Variants in WDR74 observed in about 807,000 individuals in gnomAD.
WDR74 encodes WD repeat domain 74.
A neutral mutation model predicts 45.6 loss-of-function variants in WDR74; 31 were observed. The observed-to-expected ratio is 0.68, with a 90% CI of 0.51 to 0.92. The LOEUF (loss-of-function observed/expected upper bound fraction) is 0.92. Ranked by LOEUF, WDR74 falls within the 40% of genes least tolerant of loss-of-function variation. The pLI is 0.00. For missense variants in WDR74, 455 were observed against 497.2 expected (o/e 0.92, Z 0.81); for synonymous variants, 191 against 192.4 (o/e 0.99, Z 0.06).
At chr11:62,835,397 C>T (rs1335110172) in intron 6 of WDR74, 34 bp downstream of exon 6, 1 of 1,599,658 alleles carries the variant, frequency 6.3e-7, no homozygotes, top group Non-Finnish European at 8.6e-7. Context: ...GCTGCTTTAT[C>T]CCAGGAGAAG....
chr11:62,841,707 A>C (rs967044492), upstream of WDR74: 1 of 152,246 alleles, frequency 6.6e-6, no homozygotes, highest in Non-Finnish European at 1.5e-5. Flanking sequence ...CCTATTTCCA[A>C]AAATCCATTT....
upstream of WDR74, chr11:62,841,581 A>C (rs573621802): frequency 6.6e-6 from 1 of 152,210 alleles, no homozygotes. Flanking sequence ...TAACTGATCG[A>C]AATCTTCCAT....
Position 62,835,713 on chromosome 11 carries a change from A to G in WDR74, c.498T>C (p.Pro166=). 3.1e-6 allele frequency: 5 copies of G among 1,613,894 alleles called. No homozygotes were observed. The highest frequency in any genetic ancestry group is 4.2e-6 in the Non-Finnish European group (5 of 1,179,856). Residue 166 remains proline, a synonymous_variant, in exon 5 of 11, where the codon CCT becomes CCC. Transcript: ENST00000278856. ...KIWDLQGSEE[P]VFRAKNVRND... ...CACTCACGTTCTTGGCCCTGAACAC[A>G]GGTTCCTCAGAGCCCTGCAGGTCCC...
chr11:62,841,366 G>A (rs958309030), upstream of WDR74, among the ~76,000 whole-genome samples: 2 of 152,142 alleles, frequency 1.3e-5, no homozygotes, highest in South Asian at 2.1e-4. Context: ...CGGGGGTGGT[G>A]GCAAGCGCTC....
chr11:62,837,711 C>G (rs750802268), intron 3 of WDR74, among the ~76,000 whole-genome samples: 4 of 152,170 alleles, frequency 2.6e-5, no homozygotes, highest in Admixed American at 1.3e-4. Flanking sequence ...CAGTCCCCCC[C>G]ACAGGCTTTC....
intron 3 of WDR74, among the ~76,000 whole-genome samples, chr11:62,838,768 A>C (rs1044915838): frequency 9.9e-5 from 15 of 151,728 alleles, no homozygotes; most frequent in Non-Finnish European, 1.6e-4. Flanking sequence ...TCCAAAAAAA[A>C]AAAAAACAAA....
At chr11:62,833,234 GC>G (rs2084899809) in intron 10 of WDR74, 103 bp from the exon 11 acceptor site, 4 of 1,162,364 alleles carry the variant, frequency 3.4e-6, no homozygotes, top group Admixed American at 2.8e-5. Flanking sequence ...GATTGCTTGA[GC>G]CCAGGACTTA....
At position 62,833,983 on chromosome 11, in the gene WDR74, CA is replaced by C. The variant is rs766680386; in HGVS notation, c.776-47del. ...CCGTGATAACTGGCTGGCCAATAAC[CA>C]ACCATTCATTGTTTCCTGTTCCAAT... On this transcript the variant is annotated intron_variant, in intron 8 of 10. Transcript: ENST00000278856. The C allele has an allele frequency of 2.6e-5, 42 of 1,601,794 alleles. No individual in the cohort carries two copies. In the African/African-American group the frequency reaches 5.1e-4, roughly 19 times the overall value.
At chr11:62,841,699 T>TA (rs2085063952), upstream of WDR74, 1 of 152,348 alleles carries the variant, frequency 6.6e-6, no homozygotes, top group Non-Finnish European at 1.5e-5. Flanking sequence ...TTCCATCTCC[T>TA]ATTTCCAAAA....
intron 3 of WDR74, 43 bp downstream of exon 3, chr11:62,839,071 G>A (rs746920557): frequency 5.0e-6 from 8 of 1,609,188 alleles, no homozygotes; most frequent in Non-Finnish European, 6.8e-6. Flanking sequence ...GAGCATCAAC[G>A]CTCTCCCTTC....
chr11:62,840,861 C>A (rs1159252736), upstream of WDR74, among the ~76,000 whole-genome samples: 1 of 152,196 alleles, frequency 6.6e-6, no homozygotes, highest in African/African-American at 2.4e-5. Flanking sequence ...ACGCTTGAAA[C>A]CCCGAGCGCG....
At chr11:62,840,910 C>T (rs985358240), upstream of WDR74, among the ~76,000 whole-genome samples, 1 of 152,196 alleles carries the variant, frequency 6.6e-6, no homozygotes, top group Non-Finnish European at 1.5e-5. Context: ...CCAGGCCGGG[C>T]GCGGTGGCTC....
chr11:62,835,111 A>C, intron 6 of WDR74: 1 of 289,086 alleles, frequency 3.5e-6, no homozygotes. Flanking sequence ...GAGAGGCTGC[A>C]TCAGGACCAG....
Position 62,839,518 on chromosome 11 carries a change from C to T in WDR74, c.53G>A (p.Gly18Glu). Residue 18 changes from glycine to glutamate, a missense_variant, in exon 1 of 11, where the codon GGG (glycine) becomes GAG (glutamate). Transcript: ENST00000278856. Reference protein sequence around the residue: ...WNHVWVGTETGILKGVNLQRK... With the variant: ...WNHVWVGTETEILKGVNLQRK... Reference sequence around the variant, plus strand: ...AGCCTGCCACCCACCTTTCAAGATCCCAGTCTCGGTGCCGACCCACACATG... The same window carrying T: ...AGCCTGCCACCCACCTTTCAAGATCTCAGTCTCGGTGCCGACCCACACATG... 1 of 1,613,694 alleles carries T rather than the reference C, an allele frequency of 6.2e-7. No individual in the cohort carries two copies. Among genetic ancestry groups the T allele is most frequent in the Non-Finnish European group, 8.5e-7 (1 of 1,179,886 alleles).
At chr11:62,841,177 C>T (rs1430464262), upstream of WDR74, among the ~76,000 whole-genome samples, 1 of 152,084 alleles carries the variant, frequency 6.6e-6, no homozygotes, top group African/African-American at 2.4e-5. Flanking sequence ...ATTCGCTGGG[C>T]GTGGTGGCGG....
At chr11:62,839,645 A>T (rs1241187040), upstream of WDR74, 7 of 1,510,510 alleles carry the variant, frequency 4.6e-6, no homozygotes, top group Admixed American at 8.5e-5. Flanking sequence ...AGTCCGATGC[A>T]GCGCAGTGTA....
chr11:62,839,590 C>G lies in WDR74; in HGVS notation c.-20G>C, dbSNP rs770529340. The G allele has an allele frequency of 4.4e-6, 7 of 1,596,324 alleles. No homozygotes were observed. The Admixed American group carries it at 1.2e-4, about 28-fold the overall frequency. ...CGCCATGACAAAGCCTGGAGGCAGA[C>G]AGTTCACACTTCCGGCGCAGCGTGT... On this transcript the variant is annotated 5_prime_UTR_variant, in exon 1 of 11. Transcript: ENST00000278856.
At chr11:62,834,241 C>A (rs745786752) in intron 8 of WDR74, 35 bp downstream of exon 8, 3 of 1,613,784 alleles carry the variant, frequency 1.9e-6, no homozygotes. Flanking sequence ...TCTCCCTGCT[C>A]CTTCCTTTCC....
chr11:62,841,635 C>T (rs576316337), upstream of WDR74: 15 of 152,352 alleles, frequency 9.8e-5, no homozygotes, highest in African/African-American at 2.6e-4. Context: ...TGCACCGTTC[C>T]TGGAAGTACT....
Sources: gnomAD v4.1 joint callset for allele counts (sites outside exome capture counted in the v4.1 genomes callset) on GRCh38, gnomAD v4.1.1 for gene constraint, MANE v1.5 for transcripts, NCBI Gene and HGNC (gene_info 2026-07-23, HGNC 2026-07-21) for gene names.